Variants in TMEM132D observed in about 807,000 individuals in gnomAD.
TMEM132D encodes mature OL transmembrane protein.
Under a neutral mutation model 62.3 loss-of-function variants are expected in TMEM132D, and 21 were observed. That is an observed-to-expected ratio of 0.34 (90% CI 0.24 to 0.49). TMEM132D has a LOEUF of 0.49. TMEM132D is among the 20% of genes least tolerant of loss of function. The pLI, the probability that TMEM132D is intolerant of heterozygous loss-of-function variation, is 0.99. For missense variants in TMEM132D, 1,346 were observed against 1,402.8 expected (o/e 0.96, Z 0.65); for synonymous variants, 621 against 575.6 (o/e 1.08, Z -1.13).
At chr12:129,189,274 A>T (rs1288600634) in intron 5 of TMEM132D, among the ~76,000 whole-genome samples, 1 of 152,148 alleles carries the variant, frequency 6.6e-6, no homozygotes, top group Admixed American at 6.5e-5. Flanking sequence ...TTCCAGTCTG[A>T]AAGTTTGGGA....
chr12:129,646,700 A>G (rs890090276), intron 2 of TMEM132D, among the ~76,000 whole-genome samples: 1 of 152,086 alleles, frequency 6.6e-6, no homozygotes, highest in African/African-American at 2.4e-5. Context: ...ATGCGTGGGT[A>G]TGCGTGTATA....
At chr12:129,592,564 T>C (rs1296847391) in intron 2 of TMEM132D, among the ~76,000 whole-genome samples, 1 of 152,146 alleles carries the variant, frequency 6.6e-6, no homozygotes, top group African/African-American at 2.4e-5. Flanking sequence ...AAAATAAAGA[T>C]TGGGAACAAG....
intron 1 of TMEM132D, among the ~76,000 whole-genome samples, chr12:129,843,318 C>G (rs903818132): frequency 1.3e-5 from 2 of 152,110 alleles, no homozygotes; most frequent in African/African-American, 2.4e-5. Context: ...ATAAATCTAT[C>G]TAAAATATTA....
At chr12:129,578,311 A>G (rs1353108180) in intron 2 of TMEM132D, among the ~76,000 whole-genome samples, 1 of 151,978 alleles carries the variant, frequency 6.6e-6, no homozygotes, top group Non-Finnish European at 1.5e-5. Context: ...CTCAACCAAC[A>G]TGATCATATG....
At chr12:129,458,827 T>C (rs1422630772) in intron 3 of TMEM132D, among the ~76,000 whole-genome samples, 1 of 152,162 alleles carries the variant, frequency 6.6e-6, no homozygotes, top group Non-Finnish European at 1.5e-5. Flanking sequence ...TTCACCCAGT[T>C]GAAGTGGAGA....
At chr12:129,592,091 CCAT>C (rs1214241424) in intron 2 of TMEM132D, among the ~76,000 whole-genome samples, 2 of 152,104 alleles carry the variant, frequency 1.3e-5, no homozygotes, top group Admixed American at 1.3e-4. Flanking sequence ...ATAAAAAGTA[CCAT>C]GTTTTATTAG....
At chr12:129,148,857 G>C (rs1876990258) in intron 5 of TMEM132D, among the ~76,000 whole-genome samples, 1 of 145,582 alleles carries the variant, frequency 6.9e-6, no homozygotes, top group South Asian at 2.3e-4. Flanking sequence ...ACATCCCTGA[G>C]GGTTTCTAGC....
chr12:129,356,017 T>C (rs886141549), intron 3 of TMEM132D, among the ~76,000 whole-genome samples: 3 of 152,162 alleles, frequency 2.0e-5, no homozygotes, highest in Non-Finnish European at 2.9e-5. Flanking sequence ...TGAAACTTCA[T>C]TTGGGTTCTC....
rs191056530 is a variant in TMEM132D at position 129,441,243 on chromosome 12, T to G, written c.1115+89816A>C. Among the ~76,000 whole-genome samples the G allele has an allele frequency of 5.5e-3, 844 of 152,330 alleles. 4 individuals carry two copies. Among genetic ancestry groups the G allele is most frequent in the Non-Finnish European group, 7.6e-3 (520 of 68,040 alleles). On this transcript the variant is annotated intron_variant, in intron 3 of 8. Transcript: ENST00000422113. ...AGGAAAGGGTAGAGTCTCGTGACTC[T>G]TAAGTGCAGGATCATTTCTCCATTA...
At chr12:129,804,417 T>C (rs1221231512) in intron 1 of TMEM132D, among the ~76,000 whole-genome samples, 1 of 133,202 alleles carries the variant, frequency 7.5e-6, no homozygotes. Context: ...ATCCAGCATA[T>C]AAACAGAGCC....
chr12:129,653,704 T>A (rs1192573208), intron 2 of TMEM132D, among the ~76,000 whole-genome samples: 1 of 152,192 alleles, frequency 6.6e-6, no homozygotes, highest in East Asian at 1.9e-4. Context: ...AAACCTTTTT[T>A]ATTTTGGAAC....
At chr12:129,459,157 A>G (rs1873576104) in intron 3 of TMEM132D, among the ~76,000 whole-genome samples, 1 of 152,090 alleles carries the variant, frequency 6.6e-6, no homozygotes, top group African/African-American at 2.4e-5. Context: ...CTGCTTGACT[A>G]ATGTTCCAGG....
At chr12:129,335,090 C>G (rs1869229805) in intron 4 of TMEM132D, among the ~76,000 whole-genome samples, 1 of 148,084 alleles carries the variant, frequency 6.8e-6, no homozygotes, top group Non-Finnish European at 1.5e-5. Context: ...ATAACACTTA[C>G]TGTGTGTTTG....
chr12:129,322,252 C>T (rs992058072), intron 4 of TMEM132D, among the ~76,000 whole-genome samples: 2 of 152,134 alleles, frequency 1.3e-5, no homozygotes, highest in African/African-American at 4.8e-5. Flanking sequence ...TATATTCTTA[C>T]TAATATAGTT....
chr12:129,108,132 A>G (rs941012024), intron 5 of TMEM132D, among the ~76,000 whole-genome samples: 2 of 152,148 alleles, frequency 1.3e-5, no homozygotes, highest in Non-Finnish European at 2.9e-5. Flanking sequence ...TGTGCCAGAC[A>G]CTTACATGGT....
chr12:129,731,334 T>C (rs1191809073), intron 1 of TMEM132D, among the ~76,000 whole-genome samples: 1 of 152,016 alleles, frequency 6.6e-6, no homozygotes, highest in East Asian at 1.9e-4. Flanking sequence ...AAAAAATGCA[T>C]AGTATCTCAG....
intron 4 of TMEM132D, among the ~76,000 whole-genome samples, chr12:129,242,782 T>C (rs527993375): frequency 1.0e-5 from 1 of 96,120 alleles, no homozygotes; most frequent in Admixed American, 9.9e-5. Context: ...TTTCGGTAAT[T>C]ATCCCTGAGA....
intron 2 of TMEM132D, among the ~76,000 whole-genome samples, chr12:129,622,630 G>A (rs1013549656): frequency 1.3e-5 from 2 of 152,186 alleles, no homozygotes; most frequent in Non-Finnish European, 2.9e-5. Context: ...ACTATATGGT[G>A]TTATACAAGC....
At chr12:129,735,187 C>T (rs928641991) in intron 1 of TMEM132D, among the ~76,000 whole-genome samples, 4 of 152,106 alleles carry the variant, frequency 2.6e-5, no homozygotes, top group Non-Finnish European at 4.4e-5. Flanking sequence ...TGTTACATTC[C>T]GTATCGCAGT....
Sources: allele counts gnomAD v4.1 joint callset (sites outside exome capture counted in the v4.1 genomes callset), GRCh38; gene constraint gnomAD v4.1.1; transcripts MANE v1.5; gene names NCBI Gene and HGNC (gene_info 2026-07-23, HGNC 2026-07-21).